Variants in ERC1 observed in about 807,000 individuals in gnomAD.
The protein encoded by ERC1 is ELKS/RAB6-interacting/CAST family member 1, also known as RAB6 interacting protein 2.
ERC1 carries 56 observed loss-of-function variants against 132.0 expected under a neutral mutation model. The observed-to-expected ratio is 0.42, with a 90% CI of 0.34 to 0.53. The LOEUF is 0.53. Ranked by LOEUF, ERC1 falls within the 20% of genes least tolerant of loss-of-function variation. The probability of loss-of-function intolerance (pLI) is 0.03; values close to 1 mark genes in which losing one functional copy is unlikely to be tolerated. For synonymous variants in ERC1, 478 were observed against 476.1 expected, an observed-to-expected ratio of 1.00 and a Z score of -0.05; for missense variants, 1,202 against 1,349.9, an observed-to-expected ratio of 0.89 and a Z score of 1.72.
chr12:1,277,189 TA>T (rs1449890827), intron 14 of ERC1, among the ~76,000 whole-genome samples: 1 of 152,256 alleles, frequency 6.6e-6, no homozygotes, highest in Non-Finnish European at 1.5e-5. Flanking sequence ...ACCTCTTAGC[TA>T]GTGGGAACTA....
intron 18 of ERC1, among the ~76,000 whole-genome samples, chr12:1,471,081 G>A (rs1427990375): frequency 6.6e-6 from 1 of 152,058 alleles, no homozygotes; most frequent in Non-Finnish European, 1.5e-5. Flanking sequence ...AAACTCCCGT[G>A]CTATTCAGCT....
At chr12:1,347,963 A>G (rs2084640629) in intron 15 of ERC1, among the ~76,000 whole-genome samples, 3 of 152,204 alleles carry the variant, frequency 2.0e-5, no homozygotes. Context: ...AATCTGGTCA[A>G]CAGAGTTAGA....
chr12:1,312,431 G>A (rs1469275517), intron 15 of ERC1, among the ~76,000 whole-genome samples: 4 of 151,896 alleles, frequency 2.6e-5, no homozygotes, highest in Non-Finnish European at 5.9e-5. Context: ...GCGGGATCTC[G>A]GCTCACTGCA....
At chr12:1,026,568 A>G (rs1464958043) in intron 1 of ERC1, among the ~76,000 whole-genome samples, 2 of 152,214 alleles carry the variant, frequency 1.3e-5, no homozygotes, top group Admixed American at 6.5e-5. Flanking sequence ...TTTTCCAGTA[A>G]TACTTAGTGG....
intron 7 of ERC1, among the ~76,000 whole-genome samples, chr12:1,116,640 T>TGGCGTGATCTTGGCTC (rs1946481907): frequency 6.6e-6 from 1 of 151,968 alleles, no homozygotes; most frequent in African/African-American, 2.4e-5. Context: ...GATCTTGGCT[T>TGGCGTGATCTTGGCTC]GGCGTGATCT....
chr12:1,442,587 G>A (rs1443438303), intron 17 of ERC1, among the ~76,000 whole-genome samples: 1 of 152,192 alleles, frequency 6.6e-6, no homozygotes, highest in Non-Finnish European at 1.5e-5. Context: ...GTAATATACT[G>A]TATAGGCCTA....
intron 7 of ERC1, among the ~76,000 whole-genome samples, chr12:1,128,536 G>A (rs891211032): frequency 6.6e-6 from 1 of 152,092 alleles, no homozygotes; most frequent in African/African-American, 2.4e-5. Context: ...TGCCCAGCTA[G>A]CACTAGCTGT....
chr12:1,054,032 C>A (rs1972501560), intron 2 of ERC1, among the ~76,000 whole-genome samples: 1 of 152,034 alleles, frequency 6.6e-6, no homozygotes, highest in African/African-American at 2.4e-5. Flanking sequence ...AAGCATGCTA[C>A]CTATGTTATT....
rs116558193 is a variant in ERC1, at chr12:1,206,145, G to A, written c.2351+16093G>A. 4.1e-3 allele frequency among the ~76,000 whole-genome samples: 622 copies of A among 152,176 alleles called. 2 individuals carry two copies. Among genetic ancestry groups the A allele is most frequent in the African/African-American group, 0.012 (514 of 41,546 alleles). On this transcript the variant is annotated intron_variant, in intron 12 of 18. Transcript: ENST00000360905. Reference sequence around the variant, plus strand: ...TTCAGTGGCAAAGATCATCTTAGCTGTAGTATGCAAAAGTTTAAAGTCTCT... The same window carrying A: ...TTCAGTGGCAAAGATCATCTTAGCTATAGTATGCAAAAGTTTAAAGTCTCT...
rs556422475 is a variant in ERC1 at position 1,245,749 on chromosome 12, T to C, written c.2487+8845T>C. Among the ~76,000 whole-genome samples, 18 of 152,320 alleles carry C rather than the reference T, an allele frequency of 1.2e-4. 1 individual carries two copies. Among genetic ancestry groups the C allele is most frequent in the South Asian group, 2.1e-4 (1 of 4,830 alleles). On this transcript the variant is annotated intron_variant, in intron 13 of 18. Transcript: ENST00000360905. ...CCCAGAGATTCTAAACACTTTTTTG[T>C]CATTTATCATGGCCTTAGATATGAA...
At chr12:1,302,224 A>T (rs1159343031) in intron 15 of ERC1, among the ~76,000 whole-genome samples, 2 of 152,222 alleles carry the variant, frequency 1.3e-5, no homozygotes, top group Non-Finnish European at 2.9e-5. Context: ...TAAACTCACT[A>T]CCTGAACAAA....
chr12:1,405,869 A>G (rs1284350608), intron 16 of ERC1, among the ~76,000 whole-genome samples: 1 of 152,184 alleles, frequency 6.6e-6, no homozygotes, highest in Non-Finnish European at 1.5e-5. Context: ...TGGGCAACAT[A>G]GTGAGACCCC....
At chr12:1,175,465 C>CAAA (rs57139834) in intron 8 of ERC1, among the ~76,000 whole-genome samples, 2,545 of 142,138 alleles carry the variant, frequency 0.018, 59 homozygotes, top group African/African-American at 0.062. Context: ...GATTCTGTCT[C>CAAA]AAAAAAAAAA....
At chr12:1,166,508 T>C (rs1327873765) in intron 8 of ERC1, among the ~76,000 whole-genome samples, 2 of 152,234 alleles carry the variant, frequency 1.3e-5, no homozygotes, top group Non-Finnish European at 2.9e-5. Flanking sequence ...CCTTGAAGTA[T>C]GATGTTGACT....
chr12:1,245,352 A>AT (rs1479491925), intron 13 of ERC1, among the ~76,000 whole-genome samples: 1 of 152,176 alleles, frequency 6.6e-6, no homozygotes, highest in Admixed American at 6.5e-5. Flanking sequence ...TTTGTACTTC[A>AT]ATAAATGGAA....
chr12:1,387,385 C>G (rs954323105), intron 16 of ERC1, among the ~76,000 whole-genome samples: 4 of 152,040 alleles, frequency 2.6e-5, no homozygotes, highest in African/African-American at 9.7e-5. Flanking sequence ...GGAATGCCCC[C>G]CAAAACATAT....
intron 14 of ERC1, among the ~76,000 whole-genome samples, chr12:1,282,844 G>A (rs1566477835): frequency 6.6e-6 from 1 of 152,314 alleles, no homozygotes; most frequent in East Asian, 1.9e-4. Context: ...GGCTTGCATG[G>A]TGACTGCTGA....
intron 15 of ERC1, among the ~76,000 whole-genome samples, chr12:1,362,882 T>C (rs1226643667): frequency 6.6e-6 from 1 of 152,230 alleles, no homozygotes; most frequent in Non-Finnish European, 1.5e-5. Flanking sequence ...TATCTGTATT[T>C]GACTATAGGT....
chr12:1,446,722 A>G (rs144157560), intron 18 of ERC1, among the ~76,000 whole-genome samples: 2,379 of 152,300 alleles, frequency 0.016, 30 homozygotes, highest in Middle Eastern at 0.061. Flanking sequence ...CTAATAATAC[A>G]CGGACATATT....
Sources: allele counts gnomAD v4.1 joint callset (sites outside exome capture counted in the v4.1 genomes callset), GRCh38; gene constraint gnomAD v4.1.1; transcripts MANE v1.5; gene names NCBI Gene and HGNC (gene_info 2026-07-23, HGNC 2026-07-21).